Variants in FRMD5 observed in about 807,000 individuals in gnomAD.
The protein encoded by FRMD5 is FERM domain-containing protein 5.
Under a neutral mutation model 69.0 loss-of-function variants are expected in FRMD5, and 20 were observed. The ratio of observed to expected loss-of-function variants is 0.29; its 90% confidence interval spans 0.20 to 0.42. FRMD5 has a LOEUF of 0.42. Among genes scored for constraint, FRMD5 ranks in the 10% least tolerant of loss-of-function variants. FRMD5 has a pLI of 1.00. For synonymous variants in FRMD5, 271 were observed against 260.1 expected (o/e 1.04, Z -0.40); for missense variants, 595 against 708.6 (o/e 0.84, Z 1.82).
At chr15:44,195,939 C>T (rs901848947), upstream of FRMD5, among the ~76,000 whole-genome samples, 7 of 152,226 alleles carry the variant, frequency 4.6e-5, no homozygotes, top group African/African-American at 1.7e-4. Context: ...GCTCCTTCAG[C>T]TGGTAGGGAG....
chr15:44,143,602 G>A (rs1316615649), intron 1 of FRMD5, among the ~76,000 whole-genome samples: 2 of 150,454 alleles, frequency 1.3e-5, no homozygotes, highest in Non-Finnish European at 2.9e-5. Flanking sequence ...TATAATAGAG[G>A]TATCAGAACG....
At chr15:44,156,424 G>A (rs529562693) in intron 1 of FRMD5, among the ~76,000 whole-genome samples, 5 of 152,312 alleles carry the variant, frequency 3.3e-5, no homozygotes, top group East Asian at 3.9e-4. Context: ...GATTACAGGC[G>A]TGGGCCACCT....
intron 1 of FRMD5, among the ~76,000 whole-genome samples, chr15:44,028,054 T>C (rs996670510): frequency 2.6e-5 from 4 of 152,168 alleles, no homozygotes; most frequent in Non-Finnish European, 4.4e-5. Context: ...GGGGCAAGGA[T>C]GTGTACTCCT....
chr15:44,165,170 G>A (rs1268873235), intron 1 of FRMD5, among the ~76,000 whole-genome samples: 2 of 152,224 alleles, frequency 1.3e-5, no homozygotes, highest in Admixed American at 6.5e-5. Flanking sequence ...TGTAATTCCA[G>A]CACTTTGGGA....
At chr15:44,182,101 C>T (rs1475963286) in intron 1 of FRMD5, among the ~76,000 whole-genome samples, 1 of 151,436 alleles carries the variant, frequency 6.6e-6, no homozygotes, top group Non-Finnish European at 1.5e-5. Context: ...ACCTCCATCT[C>T]CCAGGTTCAA....
chr15:43,873,796 C>T lies in FRMD5; in HGVS notation c.*89G>A, dbSNP rs541456165. On this transcript the variant is annotated 3_prime_UTR_variant, in exon 14 of 14. Transcript: ENST00000417257. ...TGAGAGGAGGACTTGGTATATGTGC[C>T]GATGGTTCCGCGATGGGTCCCATTG... The T allele has an allele frequency of 1.7e-5, 26 of 1,551,930 alleles. No homozygotes were observed. The highest frequency in any genetic ancestry group is 4.8e-5 in the East Asian group (2 of 41,582).
At chr15:44,104,776 T>G (rs953253156) in intron 1 of FRMD5, among the ~76,000 whole-genome samples, 97 of 152,326 alleles carry the variant, frequency 6.4e-4, no homozygotes, top group African/African-American at 2.2e-3. Context: ...AAAATCACCC[T>G]ATTCTCAGAA....
At chr15:44,104,844 T>C (rs964084572) in intron 1 of FRMD5, among the ~76,000 whole-genome samples, 1 of 152,156 alleles carries the variant, frequency 6.6e-6, no homozygotes, top group African/African-American at 2.4e-5. Flanking sequence ...CAATATGTAG[T>C]CTTCTCGATT....
intron 1 of FRMD5, among the ~76,000 whole-genome samples, chr15:44,133,220 A>AG (rs957512409): frequency 7.9e-5 from 12 of 151,604 alleles, no homozygotes; most frequent in Admixed American, 1.3e-4. Flanking sequence ...CTCAAAAAAA[A>AG]AAATCAAAAC....
chr15:44,148,274 TAC>T (rs2077386350), intron 1 of FRMD5, among the ~76,000 whole-genome samples: 1 of 152,008 alleles, frequency 6.6e-6, no homozygotes, highest in Admixed American at 6.5e-5. Flanking sequence ...TCACAGATAT[TAC>T]TTTTTTTTTT....
intron 1 of FRMD5, among the ~76,000 whole-genome samples, chr15:44,056,145 T>C (rs560613774): frequency 2.6e-5 from 4 of 152,360 alleles, no homozygotes; most frequent in African/African-American, 9.6e-5. Context: ...CTTTGTCCAC[T>C]GTCCAAATTC....
chr15:44,162,863 G>A (rs902196780), intron 1 of FRMD5, among the ~76,000 whole-genome samples: 1 of 92,262 alleles, frequency 1.1e-5, no homozygotes. Flanking sequence ...GCGAAACTCC[G>A]TCTCAAAAAA....
At chr15:44,021,692 CTT>C (rs1432151068) in intron 1 of FRMD5, among the ~76,000 whole-genome samples, 2 of 152,034 alleles carry the variant, frequency 1.3e-5, no homozygotes, top group African/African-American at 2.4e-5. Context: ...AACTAGAACT[CTT>C]ATATATGTAA....
intron 1 of FRMD5, among the ~76,000 whole-genome samples, chr15:44,167,591 C>T (rs1237319660): frequency 6.7e-6 from 1 of 148,842 alleles, no homozygotes; most frequent in East Asian, 2.0e-4. Context: ...TTCATTATCA[C>T]AATTTTTTTT....
chr15:44,019,477 T>C (rs1240248273), intron 1 of FRMD5, among the ~76,000 whole-genome samples: 1 of 149,932 alleles, frequency 6.7e-6, no homozygotes, highest in African/African-American at 2.4e-5. Context: ...GCCTCACACC[T>C]GTAACCTCAA....
At chr15:44,108,266 G>C (rs1459024438) in intron 1 of FRMD5, among the ~76,000 whole-genome samples, 1 of 152,150 alleles carries the variant, frequency 6.6e-6, no homozygotes, top group Non-Finnish European at 1.5e-5. Context: ...AGCTACTGGA[G>C]AGGCTGAGGT....
upstream of FRMD5, among the ~76,000 whole-genome samples, chr15:44,196,839 G>A (rs141032370): frequency 9.0e-5 from 13 of 144,562 alleles, no homozygotes; most frequent in East Asian, 2.7e-3. Context: ...GCTCTTAATT[G>A]GTTGCATTCT....
At chr15:44,177,414 C>T (rs569664438) in intron 1 of FRMD5, among the ~76,000 whole-genome samples, 1 of 152,208 alleles carries the variant, frequency 6.6e-6, no homozygotes, top group South Asian at 2.1e-4. Flanking sequence ...CATGTTACTA[C>T]ATGAATGAAC....
chr15:44,110,786 A>G (rs1238379483), intron 1 of FRMD5, among the ~76,000 whole-genome samples: 1 of 152,242 alleles, frequency 6.6e-6, no homozygotes, highest in Admixed American at 6.5e-5. Context: ...TCCTCAGATT[A>G]CTGAATCTCT....
Sources: gnomAD v4.1 joint callset for allele counts (sites outside exome capture counted in the v4.1 genomes callset) on GRCh38, gnomAD v4.1.1 for gene constraint, MANE v1.5 for transcripts, NCBI Gene and HGNC (gene_info 2026-07-23, HGNC 2026-07-21) for gene names.